SVIP: variants seen among roughly 807,000 people sequenced by gnomAD.
SVIP encodes the protein small VCP/p97-interacting protein.
Under a neutral mutation model 12.9 loss-of-function variants are expected in SVIP, and 14 were observed. That is an observed-to-expected ratio of 1.08 (90% CI 0.72 to 1.70). SVIP has a LOEUF of 1.70. Ranked by LOEUF, SVIP falls within the 40% of genes most tolerant of loss-of-function variation. The pLI, the probability that SVIP is intolerant of heterozygous loss-of-function variation, is 0.00. For missense variants in SVIP, 93 were observed against 90.8 expected, an observed-to-expected ratio of 1.02 and a Z score of -0.10; for synonymous variants, 35 against 33.3, an observed-to-expected ratio of 1.05 and a Z score of -0.17.
intron 1 of SVIP, among the ~76,000 whole-genome samples, chr11:22,829,059 A>G (rs1857839278): frequency 6.6e-6 from 1 of 152,142 alleles, no homozygotes; most frequent in Non-Finnish European, 1.5e-5. Flanking sequence ...GATATTATAA[A>G]CGTATTCCTT....
At position 22,821,127 on chromosome 11, in the gene SVIP, ATATATATAT is replaced by A. The variant is rs1307704907; in HGVS notation, c.*1983_*1991del. On this transcript the variant is annotated 3_prime_UTR_variant, in exon 4 of 4. Coordinates refer to ENST00000354193, the MANE Select transcript of SVIP (RefSeq NM_148893.3). ...GTGTATATATATACACACATATATAATATATATATTATATATATATATAATTTTTTAGTC... is the reference window on the plus strand; with the variant it reads ...GTGTATATATATACACACATATATAATATATATATATATAATTTTTTAGTC... 6.9e-6 allele frequency: 1 copy of A among 145,290 alleles called. No homozygotes were observed. The highest frequency in any genetic ancestry group is 2.6e-5 in the African/African-American group (1 of 38,674). The allele number at this position is 145,290 out of a possible 1,614,324, so 9.0% of individuals were successfully genotyped here.
chr11:22,825,559 C>T (rs1039221007), intron 3 of SVIP, among the ~76,000 whole-genome samples: 1 of 152,070 alleles, frequency 6.6e-6, no homozygotes, highest in Non-Finnish European at 1.5e-5. Flanking sequence ...AGATTTCTTA[C>T]AAGAACAGTA....
intron 1 of SVIP, among the ~76,000 whole-genome samples, chr11:22,828,326 A>G (rs1857801053): frequency 6.6e-6 from 1 of 152,214 alleles, no homozygotes. Context: ...GTATTGTTCC[A>G]TATCAGAAAA....
Position 22,820,549 on chromosome 11 carries a change from C to T in SVIP, c.*2570G>A, listed in dbSNP as rs1408913288. The stretch of plus-strand genomic sequence containing the variant: ...GTTTCCCTAACCACCAACTCAGGTT[C>T]TAAGTATTTAGGATGTAGTAAAGAT... On this transcript the variant is annotated 3_prime_UTR_variant, in exon 4 of 4. Transcript: ENST00000354193. The T allele has an allele frequency of 6.6e-6, 1 of 152,106 alleles. No individual in the cohort carries two copies. The highest frequency in any genetic ancestry group is 2.4e-5 in the African/African-American group (1 of 41,430). 9.4% of individuals were successfully genotyped at this position (152,106 alleles called of 1,614,324 possible).
intron 3 of SVIP, among the ~76,000 whole-genome samples, chr11:22,825,593 T>C (rs1332391023): frequency 6.6e-6 from 1 of 152,148 alleles, no homozygotes. Flanking sequence ...AGAAACTAAA[T>C]TTAACTTTGG....
intron 3 of SVIP, among the ~76,000 whole-genome samples, chr11:22,826,909 A>G (rs914819147): frequency 3.5e-4 from 54 of 152,158 alleles, no homozygotes; most frequent in Admixed American, 1.2e-3. Context: ...ACTTCTTTAT[A>G]CTTCTCCATA....
At position 22,829,760 on chromosome 11, in the gene SVIP, C is replaced by T; in HGVS notation, c.-12G>A. ...AAACACAGCCCCATAGGGACGACAG[C>T]TTGAGAACCCTGACCGGGTCCGGCC... On this transcript the variant is annotated 5_prime_UTR_variant, in exon 1 of 4. Coordinates refer to ENST00000354193, the MANE Select transcript of SVIP (RefSeq NM_148893.3). 6.2e-7 allele frequency: 1 copy of T among 1,602,866 alleles called. No individual in the cohort carries two copies. The highest frequency in any genetic ancestry group is 8.5e-7 in the Non-Finnish European group (1 of 1,175,660).
chr11:22,821,773 CAAT>C lies in SVIP; in HGVS notation c.*1343_*1345del, dbSNP rs1216780940. Reference sequence around the variant, plus strand: ...GTTATGTTTTGCCTAGATATTCACACAATATTTCACACCATAATAGAAAAAATA... The same window carrying C: ...GTTATGTTTTGCCTAGATATTCACACATTTCACACCATAATAGAAAAAATA... On this transcript the variant is annotated 3_prime_UTR_variant, in exon 4 of 4. Transcript: ENST00000354193. 1.3e-5 allele frequency: 2 copies of C among 152,078 alleles called. No individual in the cohort carries two copies. Among genetic ancestry groups the C allele is most frequent in the African/African-American group, 4.8e-5 (2 of 41,418 alleles). 9.4% of individuals were successfully genotyped at this position (152,078 alleles called of 1,614,324 possible).
intron 1 of SVIP, 39 bp downstream of exon 1, chr11:22,829,656 A>AGGCGC (rs1401818545): frequency 6.4e-7 from 1 of 1,555,148 alleles, no homozygotes; most frequent in Non-Finnish European, 8.7e-7. Context: ...CAGGTGCTCA[A>AGGCGC]GGCGCGGCCC....
At chr11:22,824,435 T>TAC (rs1491080078) in intron 3 of SVIP, among the ~76,000 whole-genome samples, 29 of 74,374 alleles carry the variant, frequency 3.9e-4, no homozygotes, top group Non-Finnish European at 6.5e-4. Context: ...TATATATATA[T>TAC]ACACACACAC....
In SVIP at chr11:22,820,764, G is replaced by C. The variant is rs1857451265; in HGVS notation, c.*2355C>G. 1 of 152,116 alleles carries C rather than the reference G, an allele frequency of 6.6e-6. No individual in the cohort carries two copies. The highest frequency in any genetic ancestry group is 2.4e-5 in the African/African-American group (1 of 41,424). The allele number at this position is 152,116 out of a possible 1,614,324, so 9.4% of individuals were successfully genotyped here. ...TAAAAAACATGCAGCACGTTACAAA[G>C]AGGCCGTGTAATAATTCACAACTTT... On this transcript the variant is annotated 3_prime_UTR_variant, in exon 4 of 4. Transcript: ENST00000354193.
chr11:22,819,124 T>C lies in SVIP; in HGVS notation c.*3995A>G, dbSNP rs1284863151. The C allele has an allele frequency of 2.0e-5, 3 of 152,222 alleles. No homozygotes were observed. The highest frequency in any genetic ancestry group is 4.4e-5 in the Non-Finnish European group (3 of 68,036). The allele number at this position is 152,222 out of a possible 1,614,324, so 9.4% of individuals were successfully genotyped here. On this transcript the variant is annotated 3_prime_UTR_variant, in exon 4 of 4. Transcript: ENST00000354193. ...CTGCAAGATTACTAAAGTCATTTAT[T>C]AGTTCCAGAAGTTTTTGTGGAACCT...
At position 22,827,728 on chromosome 11, in the gene SVIP, G is replaced by C. The variant is rs576303342; in HGVS notation, c.105+96C>G. The C allele has an allele frequency of 2.1e-4, 193 of 919,474 alleles. 1 individual carries two copies. In the African/African-American group the frequency reaches 3.0e-3, roughly 15 times the overall value. 57.0% of individuals were successfully genotyped at this position (919,474 alleles called of 1,614,324 possible). ...AAATGTAAATTTTTGGGATATCAAA[G>C]GCCATTTGCGTTAGAAAATCTAGCT... On this transcript the variant is annotated intron_variant, in intron 2 of 3. Coordinates refer to ENST00000354193, the MANE Select transcript of SVIP (RefSeq NM_148893.3).
chr11:22,827,465 T>C (rs921007462), intron 2 of SVIP, 145 bp from the exon 3 acceptor site: 18 of 658,922 alleles, frequency 2.7e-5, no homozygotes, highest in Non-Finnish European at 4.2e-5. Flanking sequence ...GGAGTGTTTC[T>C]ACAACAGCCT....
At chr11:22,829,643 G>C (rs936318599) in intron 1 of SVIP, 52 bp downstream of exon 1, 40 of 1,533,058 alleles carry the variant, frequency 2.6e-5, no homozygotes, top group Non-Finnish European at 3.2e-5. Flanking sequence ...CGCAACCCGA[G>C]GACAGGTGCT....
At position 22,820,796 on chromosome 11, in the gene SVIP, CA is replaced by C. The variant is rs1857453151; in HGVS notation, c.*2322del. The C allele has an allele frequency of 6.6e-6, 1 of 152,080 alleles. No individual in the cohort carries two copies. The highest frequency in any genetic ancestry group is 2.4e-5 in the African/African-American group (1 of 41,400). 9.4% of individuals were successfully genotyped at this position (152,080 alleles called of 1,614,324 possible). On this transcript the variant is annotated 3_prime_UTR_variant, in exon 4 of 4. Transcript: ENST00000354193. ...TGTAATAATTCACAACTTTTGTTAG[CA>C]GCCGTTAAGTTTGATTAGTATTAAG... is the stretch of plus-strand genomic sequence containing the variant.
rs1246437548 is a variant in SVIP at position 22,821,022 on chromosome 11, T to C, written c.*2097A>G. 1 of 151,222 alleles carries C rather than the reference T, an allele frequency of 6.6e-6. No individual in the cohort carries two copies. Among genetic ancestry groups the C allele is most frequent in the Non-Finnish European group, 1.5e-5 (1 of 67,834 alleles). 9.4% of individuals were successfully genotyped at this position (151,222 alleles called of 1,614,324 possible). On this transcript the variant is annotated 3_prime_UTR_variant, in exon 4 of 4. Coordinates refer to ENST00000354193, the MANE Select transcript of SVIP (RefSeq NM_148893.3). Reference sequence around the variant, plus strand: ...ACTGATGGTTATTTTATGAGGGAGATGTCTGGACGTATGTGTGTATGTGCA... The same window carrying C: ...ACTGATGGTTATTTTATGAGGGAGACGTCTGGACGTATGTGTGTATGTGCA...
At chr11:22,828,232 C>T (rs138420456) in intron 1 of SVIP, among the ~76,000 whole-genome samples, 1 of 152,142 alleles carries the variant, frequency 6.6e-6, no homozygotes, top group East Asian at 1.9e-4. Flanking sequence ...TCTGAAGTAA[C>T]CTGGTGTTTT....
intron 3 of SVIP, among the ~76,000 whole-genome samples, chr11:22,823,915 G>T (rs909110253): frequency 6.6e-6 from 1 of 152,206 alleles, no homozygotes; most frequent in South Asian, 2.1e-4. Context: ...TAGAGACAGG[G>T]TCTCGCTATG....
Sources: gnomAD v4.1 joint callset for allele counts (sites outside exome capture counted in the v4.1 genomes callset) on GRCh38, gnomAD v4.1.1 for gene constraint, MANE v1.5 for transcripts, NCBI Gene and HGNC (gene_info 2026-07-23, HGNC 2026-07-21) for gene names.